Variants in C10orf67 observed in about 807,000 individuals in gnomAD.
The protein encoded by C10orf67 is uncharacterized protein C10orf67, mitochondrial.
In C10orf67, 60 loss-of-function variants were observed where a neutral mutation model predicts 35.6. That is an observed-to-expected ratio of 1.68 (90% confidence interval 1.37 to 2.09). The LOEUF (loss-of-function observed/expected upper bound fraction) is 2.09. Ranked by LOEUF, C10orf67 falls within the 30% of genes most tolerant of loss-of-function variation. The pLI is 0.00. For missense variants in C10orf67, 474 were observed against 330.2 expected, an observed-to-expected ratio of 1.44 and a Z score of -3.38; for synonymous variants, 167 against 115.8, an observed-to-expected ratio of 1.44 and a Z score of -2.84.
At chr10:23,270,873 G>C (rs1347416656) in intron 8 of C10orf67, among the ~76,000 whole-genome samples, 3 of 152,186 alleles carry the variant, frequency 2.0e-5, no homozygotes, top group Non-Finnish European at 4.4e-5. Context: ...CTCCTCACTG[G>C]GTGGGGCCTC....
chr10:23,210,509 G>A (rs542672158), intron 15 of C10orf67, among the ~76,000 whole-genome samples: 6 of 151,864 alleles, frequency 4.0e-5, no homozygotes, highest in Non-Finnish European at 7.4e-5. Context: ...AACCTCCATC[G>A]CCTGGGTTCA....
intron 2 of C10orf67, among the ~76,000 whole-genome samples, chr10:23,328,685 TAAA>T (rs57874839): frequency 3.9e-3 from 544 of 138,090 alleles, no homozygotes; most frequent in South Asian, 6.6e-3. Flanking sequence ...CTCAAGAGAT[TAAA>T]AAAAAAAAAA....
rs376836713 is a variant in C10orf67 at position 23,223,912 on chromosome 10, G to C, written c.1435-94C>G. 12 of 676,288 alleles carry C rather than the reference G, an allele frequency of 1.8e-5. 1 individual carries two copies. Among genetic ancestry groups the C allele is most frequent in the South Asian group, 6.6e-5 (4 of 60,890 alleles). The allele number at this position is 676,288 out of a possible 1,614,324, so 41.9% of individuals were successfully genotyped here. On this transcript the variant is annotated intron_variant, in intron 13 of 15. Coordinates refer to ENST00000636213, the MANE Select transcript of C10orf67 (RefSeq NM_001371909.1). ...TGTTCTCCAGCCTTTAGTTGACCAA[G>C]ATATGGAAACTATGCTTGTCACTTA...
At chr10:23,266,448 C>G (rs186652008) in intron 9 of C10orf67, 22 bp from the exon 10 acceptor site, 4 of 398,556 alleles carry the variant, frequency 1.0e-5, no homozygotes, top group Non-Finnish European at 1.8e-5. Context: ...AAAGACACAA[C>G]TTTGTTATTC....
intron 6 of C10orf67, 65 bp downstream of exon 6, chr10:23,291,067 T>C (rs1843705642): frequency 1.6e-6 from 1 of 630,362 alleles, no homozygotes; most frequent in Non-Finnish European, 2.9e-6. Flanking sequence ...AAGACAAACA[T>C]AGTTATGAGC....
intron 5 of C10orf67, among the ~76,000 whole-genome samples, chr10:23,293,310 C>A (rs1163982124): frequency 6.6e-6 from 1 of 152,202 alleles, no homozygotes; most frequent in Non-Finnish European, 1.5e-5. Context: ...CAAGGTTAAC[C>A]CTTAGCTCTG....
At chr10:23,248,462 C>T (rs543790907) in intron 12 of C10orf67, among the ~76,000 whole-genome samples, 2 of 152,282 alleles carry the variant, frequency 1.3e-5, no homozygotes, top group African/African-American at 4.8e-5. Flanking sequence ...GGAAAAGGAG[C>T]TTGGAAATGA....
At chr10:23,319,756 A>C (rs1844869696) in intron 4 of C10orf67, among the ~76,000 whole-genome samples, 1 of 152,188 alleles carries the variant, frequency 6.6e-6, no homozygotes, top group Non-Finnish European at 1.5e-5. Context: ...GAGAAAGAAC[A>C]ACCTCCTCCA....
intron 10 of C10orf67, among the ~76,000 whole-genome samples, chr10:23,256,801 G>T (rs1211708253): frequency 6.6e-6 from 1 of 152,120 alleles, no homozygotes; most frequent in Non-Finnish European, 1.5e-5. Flanking sequence ...AGCTACTACA[G>T]GAAAATCACC....
At chr10:23,226,951 G>T (rs972738731) in intron 13 of C10orf67, among the ~76,000 whole-genome samples, 17 of 152,216 alleles carry the variant, frequency 1.1e-4, no homozygotes, top group African/African-American at 3.1e-4. Flanking sequence ...ATAATTAATA[G>T]CCTTCCAACC....
chr10:23,282,141 T>C, intron 7 of C10orf67, 63 bp from the exon 8 acceptor site: 1 of 428,254 alleles, frequency 2.3e-6, no homozygotes, highest in Non-Finnish European at 4.3e-6. Context: ...AAATCCCTCC[T>C]CAAGAAAATT....
rs56043614 is a variant in C10orf67 at position 23,314,483 on chromosome 10, AACACACACACACACAC to A, written c.546+6242_546+6257del. The stretch of plus-strand genomic sequence containing the variant: ...TGAAAAAGAAAAAAAATTAAGTTAA[AACACACACACACACAC>A]ACACACACACACACACACACACACA... On this transcript the variant is annotated intron_variant, in intron 4 of 15. Coordinates refer to ENST00000636213, the MANE Select transcript of C10orf67 (RefSeq NM_001371909.1). Among the ~76,000 whole-genome samples, 262 of 135,836 alleles carry A rather than the reference AACACACACACACACAC, an allele frequency of 1.9e-3. 2 individuals carry two copies. Among genetic ancestry groups the A allele is most frequent in the Middle Eastern group, 3.6e-3 (1 of 278 alleles). 89.1% of individuals were successfully genotyped at this position (135,836 alleles called of 152,430 possible).
chr10:23,328,090 C>T (rs542841213), intron 2 of C10orf67, among the ~76,000 whole-genome samples: 1 of 152,046 alleles, frequency 6.6e-6, no homozygotes, highest in African/African-American at 2.4e-5. Context: ...AATAAAAATA[C>T]TATATTTCAA....
chr10:23,267,918 A>C (rs907421917), intron 8 of C10orf67, among the ~76,000 whole-genome samples: 2 of 152,134 alleles, frequency 1.3e-5, no homozygotes, highest in Admixed American at 6.6e-5. Flanking sequence ...AAGAAAAAAA[A>C]AAAGATAGTT....
At chr10:23,262,567 C>A (rs111915410) in intron 10 of C10orf67, among the ~76,000 whole-genome samples, 343 of 152,302 alleles carry the variant, frequency 2.3e-3, no homozygotes, top group African/African-American at 7.4e-3. Context: ...CCTCAGTTTA[C>A]ATTACGCTCA....
chr10:23,228,268 C>A (rs373329028), intron 13 of C10orf67, among the ~76,000 whole-genome samples: 1 of 151,876 alleles, frequency 6.6e-6, no homozygotes, highest in African/African-American at 2.4e-5. Context: ...CAGAATAGAG[C>A]CCTCAGAAAT....
At position 23,327,556 on chromosome 10, in the gene C10orf67, T is replaced by C. The variant is rs532318921; in HGVS notation, c.328-5019A>G. Among the ~76,000 whole-genome samples, 29 of 152,212 alleles carry C rather than the reference T, an allele frequency of 1.9e-4. No individual in the cohort carries two copies. The South Asian group carries it at 6.0e-3, about 32-fold the overall frequency. ...TTTTAAAATTTCCTGGCCAGGCACG[T>C]TGGCTCACACCTGTAATCCCAGCAC... is the stretch of plus-strand genomic sequence containing the variant. On this transcript the variant is annotated intron_variant, in intron 2 of 15. Coordinates refer to ENST00000636213, the MANE Select transcript of C10orf67 (RefSeq NM_001371909.1).
At chr10:23,212,217 G>A (rs2132087743) in intron 15 of C10orf67, among the ~76,000 whole-genome samples, 1 of 152,318 alleles carries the variant, frequency 6.6e-6, no homozygotes, top group South Asian at 2.1e-4. Context: ...AGACGGTCAT[G>A]GGACAGATTC....
chr10:23,318,778 T>C, intron 4 of C10orf67: 1 of 675,048 alleles, frequency 1.5e-6, no homozygotes, highest in Non-Finnish European at 2.7e-6. Flanking sequence ...TGTTATCTCA[T>C]GAATAAGAGG....
Sources: allele counts gnomAD v4.1 joint callset (sites outside exome capture counted in the v4.1 genomes callset), GRCh38; gene constraint gnomAD v4.1.1; transcripts MANE v1.5; gene names NCBI Gene and HGNC (gene_info 2026-07-23, HGNC 2026-07-21).